The following PDE10A variants were observed in gnomAD, a reference collection of about 807,000 sequenced individuals.
PDE10A encodes the protein phosphodiesterase 10A, also known as cAMP and cAMP-inhibited cGMP 3',5'-cyclic phosphodiesterase 10A.
A neutral mutation model predicts 97.7 loss-of-function variants in PDE10A; 39 were observed. The observed-to-expected ratio is 0.40, with a 90% CI of 0.31 to 0.52. The LOEUF (loss-of-function observed/expected upper bound fraction) is 0.52. PDE10A is among the 20% of genes least tolerant of loss of function. PDE10A has a pLI of 0.56. For missense variants in PDE10A, 731 were observed against 1,047.8 expected (o/e 0.70, Z 4.17); for synonymous variants, 371 against 376.8 (o/e 0.98, Z 0.18).
At chr6:165,954,052 G>A (rs757462538) in intron 1 of PDE10A, among the ~76,000 whole-genome samples, 4 of 152,102 alleles carry the variant, frequency 2.6e-5, no homozygotes, top group Non-Finnish European at 5.9e-5. Flanking sequence ...TGTGTATTTG[G>A]GGTTCCTTGC....
intron 1 of PDE10A, among the ~76,000 whole-genome samples, chr6:165,647,955 T>C (rs1319459795): frequency 1.3e-5 from 2 of 152,242 alleles, no homozygotes; most frequent in Admixed American, 1.3e-4. Flanking sequence ...TTAAGCACTC[T>C]AGGTTACAGT....
At position 165,428,664 on chromosome 6, in the gene PDE10A, G is replaced by A. The variant is rs1284691391; in HGVS notation, c.1647C>T (p.His549=). The A allele has an allele frequency of 1.5e-6, 2 of 1,332,570 alleles. No individual in the cohort carries two copies. Among genetic ancestry groups the A allele is most frequent in the Non-Finnish European group, 1.1e-6 (1 of 936,856 alleles). 82.5% of individuals were successfully genotyped at this position (1,332,570 alleles called of 1,614,324 possible). ...CAGAACAAAAACAACCTACCATTAT[G>A]TGTTCAAGTAGAGAATCTATTGCAA... is the stretch of plus-strand genomic sequence containing the variant. The part of the protein sequence containing the change: ...NIVAIDSLLE[H]IMIYAKNLVN... Residue 549 remains histidine, a synonymous_variant, in exon 10 of 22, where the codon CAC becomes CAT. Coordinates refer to ENST00000539869, the MANE Select transcript of PDE10A (RefSeq NM_001385079.1).
intron 1 of PDE10A, among the ~76,000 whole-genome samples, chr6:165,570,711 T>A (rs1370444792): frequency 6.6e-6 from 1 of 152,228 alleles, no homozygotes; most frequent in Non-Finnish European, 1.5e-5. Context: ...GTAAAGTCTT[T>A]CTCTGGTCTT....
intron 2 of PDE10A, among the ~76,000 whole-genome samples, chr6:165,511,435 CAT>C (rs71026691): frequency 0.67 from 102,161 of 151,532 alleles, 35,958 homozygotes; most frequent in Non-Finnish European, 0.77. Flanking sequence ...TGTGGCCTAA[CAT>C]GTGGTATATC....
chr6:165,718,207 G>T (rs1210994792), intron 1 of PDE10A: 1 of 152,076 alleles, frequency 6.6e-6, no homozygotes, highest in Non-Finnish European at 1.5e-5. Flanking sequence ...TCTAAGAGTT[G>T]CATAGTGGTC....
At chr6:165,557,833 C>T (rs181502101) in intron 1 of PDE10A, among the ~76,000 whole-genome samples, 119 of 152,224 alleles carry the variant, frequency 7.8e-4, no homozygotes, top group African/African-American at 2.8e-3. Context: ...ACTCAAAAAA[C>T]GAAGACAAAC....
chr6:165,397,985 T>G (rs1786311265), intron 13 of PDE10A, among the ~76,000 whole-genome samples: 1 of 152,174 alleles, frequency 6.6e-6, no homozygotes, highest in Non-Finnish European at 1.5e-5. Flanking sequence ...TGGGTATATT[T>G]TTAAATATTT....
chr6:165,634,719 G>A (rs531358132), intron 1 of PDE10A, among the ~76,000 whole-genome samples: 7 of 152,272 alleles, frequency 4.6e-5, no homozygotes, highest in South Asian at 4.1e-4. Flanking sequence ...ATTTGAACTC[G>A]TAGTTTACAA....
intron 1 of PDE10A, among the ~76,000 whole-genome samples, chr6:165,788,517 T>TAA (rs1387938972): frequency 1.5e-4 from 1 of 6,864 alleles, no homozygotes. Context: ...AAACTCTGTC[T>TAA]CAAAAAAAAA....
intron 1 of PDE10A, among the ~76,000 whole-genome samples, chr6:165,958,498 CAAGAAAGAAAGAAAGAAAGAAAGA>C (rs1379022208): frequency 3.5e-5 from 2 of 57,718 alleles, no homozygotes; most frequent in Non-Finnish European, 6.9e-5. Flanking sequence ...GAGAGAAAGA[CAAGAAAGAAAGAAAGAAAGAAAGA>C]AAGAAAGAAA....
intron 1 of PDE10A, among the ~76,000 whole-genome samples, chr6:165,605,757 G>A (rs534271942): frequency 3.3e-5 from 5 of 152,152 alleles, no homozygotes; most frequent in South Asian, 4.2e-4. Context: ...GGTGGCCATC[G>A]ACATCTTATA....
exon 1 of PDE10A, chr6:165,987,785 G>A (rs868755118): frequency 1.3e-5 from 6 of 450,492 alleles, no homozygotes; most frequent in East Asian, 1.4e-4. Flanking sequence ...TGGGGTGCGC[G>A]CCGATCTTCT....
chr6:165,337,330 C>T (rs73028218), intron 20 of PDE10A, among the ~76,000 whole-genome samples: 2,324 of 152,188 alleles, frequency 0.015, 22 homozygotes, highest in Non-Finnish European at 0.023. Flanking sequence ...AAGAGGTGAC[C>T]CCAAATCACA....
chr6:165,964,550 T>C (rs1465652674), intron 1 of PDE10A, among the ~76,000 whole-genome samples: 1 of 152,176 alleles, frequency 6.6e-6, no homozygotes, highest in Non-Finnish European at 1.5e-5. Context: ...CTAGTGGAAT[T>C]TACCATGAGA....
At chr6:165,369,070 C>T (rs937624718) in intron 18 of PDE10A, among the ~76,000 whole-genome samples, 8 of 151,956 alleles carry the variant, frequency 5.3e-5, no homozygotes, top group Non-Finnish European at 7.4e-5. Flanking sequence ...ACACCAAAAA[C>T]CCATCTGTAC....
intron 18 of PDE10A, among the ~76,000 whole-genome samples, chr6:165,355,953 C>T (rs1271913352): frequency 6.6e-6 from 1 of 152,072 alleles, no homozygotes; most frequent in African/African-American, 2.4e-5. Flanking sequence ...GTTTAATTGA[C>T]TCACAGTTCC....
chr6:165,855,022 A>AATGAATGC (rs1554332651), intron 1 of PDE10A, among the ~76,000 whole-genome samples: 1 of 141,066 alleles, frequency 7.1e-6, no homozygotes. Context: ...TGAATGAATG[A>AATGAATGC]ATGAATGAAT....
chr6:165,813,154 G>A (rs778808737), intron 1 of PDE10A, among the ~76,000 whole-genome samples: 4 of 152,162 alleles, frequency 2.6e-5, no homozygotes, highest in Non-Finnish European at 5.9e-5. Context: ...TTAAGGAAAT[G>A]GCTAGCTTAG....
In PDE10A at chr6:165,961,926, C is replaced by T. The variant is rs1472630551; in HGVS notation, c.-615+25603G>A. 3.3e-5 allele frequency among the ~76,000 whole-genome samples: 5 copies of T among 152,336 alleles called. No homozygotes were observed. The East Asian group carries it at 9.6e-4, about 29-fold the overall frequency. ...AAGGAAGGACATGAACCCAAGTCAC[C>T]AACTGGCGTGACTTTTGTGGAGCAT... On this transcript the variant is annotated intron_variant, in intron 1 of 19. Coordinates refer to the PDE10A transcript ENST00000366882.
Sources: gnomAD v4.1 joint callset for allele counts (sites outside exome capture counted in the v4.1 genomes callset) on GRCh38, gnomAD v4.1.1 for gene constraint, MANE v1.5 for transcripts, NCBI Gene and HGNC (gene_info 2026-07-23, HGNC 2026-07-21) for gene names.